The following ACBD3 variants were observed in gnomAD, a reference collection of about 807,000 sequenced individuals.
The protein encoded by ACBD3 is Golgi resident protein GCP60.
A neutral mutation model predicts 66.9 loss-of-function variants in ACBD3; 30 were observed. The ratio of observed to expected loss-of-function variants is 0.45; its 90% CI spans 0.34 to 0.61. The LOEUF is 0.61. Among genes scored for constraint, ACBD3 ranks in the 20% least tolerant of loss-of-function variants. ACBD3 has a pLI of 0.02. For synonymous variants in ACBD3, 278 were observed against 259.8 expected, an observed-to-expected ratio of 1.07 and a Z score of -0.68; for missense variants, 544 against 664.5, an observed-to-expected ratio of 0.82 and a Z score of 1.99.
chr1:226,170,091 C>A (rs72759068), intron 1 of ACBD3, among the ~76,000 whole-genome samples: 19,540 of 146,734 alleles, frequency 0.13, 1,565 homozygotes, highest in Middle Eastern at 0.23. Context: ...ACATATGCTG[C>A]CAATGATTCA....
chr1:226,161,564 A>T lies in ACBD3; in HGVS notation c.695T>A (p.Ile232Lys), dbSNP rs765814964. 1.2e-6 allele frequency: 2 copies of T among 1,613,942 alleles called. No homozygotes were observed. Among genetic ancestry groups the T allele is most frequent in the East Asian group, 2.2e-5 (1 of 44,892 alleles). Residue 232 changes from isoleucine (I) to lysine (K), a missense_variant, in exon 4 of 8, where the codon ATA becomes AAA. Around this residue, in one of 3 missense-constraint regions of ACBD3, gnomAD observed 383 missense variants for 462.4 expected, o/e 0.83. Coordinates refer to ENST00000366812, the MANE Select transcript of ACBD3 (RefSeq NM_022735.4). Reference sequence around the variant, plus strand: ...CTCCAACCGAAGCCTTTCTTCTTCTATCCGTCTCCTTTCCTCTTCCTCCCG... The same window carrying T: ...CTCCAACCGAAGCCTTTCTTCTTCTTTCCGTCTCCTTTCCTCTTCCTCCCG... ...LRREEEERRRIEEERLRLEQQ... is the reference protein window; with the variant it reads ...LRREEEERRRKEEERLRLEQQ...
In ACBD3 at chr1:226,161,566, C is replaced by A. The variant is rs925518379; in HGVS notation, c.693G>T (p.Arg231=). 2 of 1,613,896 alleles carry A rather than the reference C, an allele frequency of 1.2e-6. No homozygotes were observed. The highest frequency in any genetic ancestry group is 1.7e-5 in the Admixed American group (1 of 59,966). The part of the protein sequence containing the change: ...RLRREEEERR[R]IEEERLRLEQ... ...CCAACCGAAGCCTTTCTTCTTCTAT[C>A]CGTCTCCTTTCCTCTTCCTCCCGTC... The change falls in exon 4 of 8, where the codon CGG becomes CGT. Residue 231 remains arginine, a synonymous_variant. Coordinates refer to ENST00000366812, the MANE Select transcript of ACBD3 (RefSeq NM_022735.4).
At chr1:226,167,374 G>A (rs1659895483) in intron 1 of ACBD3, among the ~76,000 whole-genome samples, 1 of 152,030 alleles carries the variant, frequency 6.6e-6, no homozygotes, top group African/African-American at 2.4e-5. Flanking sequence ...ATAAAGAAAG[G>A]GTTACCCTTC....
At chr1:226,178,837 TC>T (rs1192395152) in intron 1 of ACBD3, among the ~76,000 whole-genome samples, 1 of 152,140 alleles carries the variant, frequency 6.6e-6, no homozygotes, top group Non-Finnish European at 1.5e-5. Flanking sequence ...CTTGAATACT[TC>T]CTGGTGATAA....
chr1:226,159,591 T>C (rs1659733841), intron 4 of ACBD3, among the ~76,000 whole-genome samples: 1 of 152,218 alleles, frequency 6.6e-6, no homozygotes, highest in Non-Finnish European at 1.5e-5. Context: ...AAGATAAGCA[T>C]ATGATCATCA....
Position 226,154,754 on chromosome 1 carries a change from G to A in ACBD3, c.983C>T (p.Pro328Leu). The part of the protein sequence containing the change: ...PTSSKVNATV[P>L]SNMMSVNGQA... The stretch of plus-strand genomic sequence containing the variant: ...TCCATTAACTGACATCATATTACTT[G>A]GTACAGTTGCATTCACTTTTGATGA... Residue 328 changes from proline (P) to leucine (L), a missense_variant, in exon 6 of 8, where the codon CCA (proline) becomes CTA (leucine). Around this residue, in one of 3 missense-constraint regions of ACBD3, gnomAD observed 383 missense variants for 462.4 expected, o/e 0.83. Coordinates refer to ENST00000366812, the MANE Select transcript of ACBD3 (RefSeq NM_022735.4). The A allele has an allele frequency of 7.4e-6, 12 of 1,613,666 alleles. No homozygotes were observed. The highest frequency in any genetic ancestry group is 9.3e-6 in the Non-Finnish European group (11 of 1,179,810).
chr1:226,152,293 C>A, intron 7 of ACBD3, 42 bp downstream of exon 7: 1 of 1,600,664 alleles, frequency 6.2e-7, no homozygotes, highest in Non-Finnish European at 8.5e-7. Context: ...TTTCTGCCAA[C>A]ACACAACCCA....
intron 4 of ACBD3, among the ~76,000 whole-genome samples, chr1:226,161,117 A>G (rs1659764239): frequency 6.7e-6 from 1 of 149,870 alleles, no homozygotes; most frequent in South Asian, 2.1e-4. Flanking sequence ...GGGTTCTGCA[A>G]GTGAACCCCC....
At chr1:226,172,467 A>G in intron 1 of ACBD3, among the ~76,000 whole-genome samples, 1 of 152,160 alleles carries the variant, frequency 6.6e-6, no homozygotes, top group East Asian at 1.9e-4. Context: ...CCTACTTGGG[A>G]GGCTGAGACA....
intron 6 of ACBD3, among the ~76,000 whole-genome samples, chr1:226,154,074 C>T (rs886820830): frequency 6.6e-6 from 1 of 152,220 alleles, no homozygotes; most frequent in African/African-American, 2.4e-5. Flanking sequence ...CTGGCATCAA[C>T]ATCTTGACTG....
At chr1:226,162,172 T>C (rs1481272591) in intron 3 of ACBD3, among the ~76,000 whole-genome samples, 1 of 151,738 alleles carries the variant, frequency 6.6e-6, no homozygotes, top group Admixed American at 6.6e-5. Flanking sequence ...TCGACAAACG[T>C]GTACAGAAGT....
chr1:226,156,185 C>T lies in ACBD3; in HGVS notation c.904-1352G>A, dbSNP rs147735687. Among the ~76,000 whole-genome samples, 679 of 152,322 alleles carry T rather than the reference C, an allele frequency of 4.5e-3. 4 individuals carry two copies. Among genetic ancestry groups the T allele is most frequent in the African/African-American group, 0.016 (652 of 41,570 alleles). On this transcript the variant is annotated intron_variant, in intron 5 of 7. Transcript: ENST00000366812. ...TTCCCTGGTACCCCTTTCTGGGCAC[C>T]TGCCCTGAAGGGTAACAACTATTTG...
At chr1:226,179,267 C>T (rs866004083) in intron 1 of ACBD3, among the ~76,000 whole-genome samples, 51 of 152,256 alleles carry the variant, frequency 3.3e-4, no homozygotes, top group African/African-American at 1.2e-3. Flanking sequence ...TAAACAGCAG[C>T]CATTATGATA....
At chr1:226,176,369 G>A (rs1350886552) in intron 1 of ACBD3, among the ~76,000 whole-genome samples, 1 of 146,788 alleles carries the variant, frequency 6.8e-6, no homozygotes, top group Non-Finnish European at 1.5e-5. Context: ...GGCAGAGGTT[G>A]CAGTGACTCA....
intron 7 of ACBD3, among the ~76,000 whole-genome samples, chr1:226,150,798 C>T (rs570082506): frequency 6.6e-6 from 1 of 152,292 alleles, no homozygotes; most frequent in African/African-American, 2.4e-5. Flanking sequence ...CCGTGTAAGA[C>T]AAAGCAGCTC....
chr1:226,153,998 G>C (rs530528117), intron 6 of ACBD3, among the ~76,000 whole-genome samples: 6 of 152,176 alleles, frequency 3.9e-5, no homozygotes, highest in Non-Finnish European at 8.8e-5. Flanking sequence ...CATGGGGCCA[G>C]GAATTGAGCT....
At chr1:226,181,210 T>C (rs1325510387) in intron 1 of ACBD3, among the ~76,000 whole-genome samples, 2 of 152,192 alleles carry the variant, frequency 1.3e-5, no homozygotes, top group Non-Finnish European at 2.9e-5. Flanking sequence ...AAAAGAACTC[T>C]AATAGATGTT....
chr1:226,147,795 A>G (rs887032068), intron 7 of ACBD3, among the ~76,000 whole-genome samples: 1 of 152,206 alleles, frequency 6.6e-6, no homozygotes, highest in African/African-American at 2.4e-5. Flanking sequence ...AGGAAAAAAA[A>G]TGCCTCTAGA....
At position 226,175,163 on chromosome 1, in the gene ACBD3, C is replaced by T. The variant is rs142139531; in HGVS notation, c.287-9163G>A. Reference sequence around the variant, plus strand: ...GAATGGAATAATGCCTTCAAAATTCCGGAAGGAAATTATTTCCAATCTAGA... The same window carrying T: ...GAATGGAATAATGCCTTCAAAATTCTGGAAGGAAATTATTTCCAATCTAGA... On this transcript the variant is annotated intron_variant, in intron 1 of 7. Coordinates refer to ENST00000366812, the MANE Select transcript of ACBD3 (RefSeq NM_022735.4). 6.7e-4 allele frequency among the ~76,000 whole-genome samples: 102 copies of T among 151,204 alleles called. 4 individuals carry two copies. In the East Asian group the frequency reaches 0.014, roughly 21 times the overall value.
Sources: allele counts gnomAD v4.1 joint callset (sites outside exome capture counted in the v4.1 genomes callset), GRCh38; gene constraint gnomAD v4.1.1; regional missense constraint gnomAD v4.1.1; transcripts MANE v1.5; gene names NCBI Gene and HGNC (gene_info 2026-07-23, HGNC 2026-07-21).